MAD1L1: variants seen among roughly 807,000 people sequenced by gnomAD.
MAD1L1 encodes the protein mitotic arrest deficient 1 like 1.
MAD1L1 carries 95 observed loss-of-function variants against 96.9 expected under a neutral mutation model. That is an observed-to-expected ratio of 0.98 (90% CI 0.83 to 1.16). The LOEUF is 1.16. Among genes scored for constraint, MAD1L1 ranks in the 50% most tolerant of loss-of-function variants. The pLI, the probability that MAD1L1 is intolerant of heterozygous loss-of-function variation, is 0.00. For synonymous variants in MAD1L1, 473 were observed against 396.6 expected (o/e 1.19, Z -2.29); for missense variants, 1,007 against 954.4 (o/e 1.06, Z -0.73).
At chr7:2,026,086 A>G (rs1207264622) in intron 12 of MAD1L1, among the ~76,000 whole-genome samples, 1 of 152,218 alleles carries the variant, frequency 6.6e-6, no homozygotes, top group Non-Finnish European at 1.5e-5. Context: ...TACTACATTT[A>G]TAATGAAACA....
chr7:1,816,111 A>G lies in MAD1L1; in HGVS notation c.2116T>C (p.Ser706Pro). The change falls in exon 19 of 19, where the codon TCG (serine) becomes CCG (proline). Residue 706 changes from serine (S) to proline (P), a missense_variant. Transcript: ENST00000265854. ...RQDSIPAFLS[S>P]LTLELFSRQT... ...CGGCTGAAGAGCTCGAGGGTGAGCG[A>G]GCTGAGGAAGGCAGGGATGCTGTCC... 1 of 1,612,666 alleles carries G rather than the reference A, an allele frequency of 6.2e-7. No individual in the cohort carries two copies. The highest frequency in any genetic ancestry group is 8.5e-7 in the Non-Finnish European group (1 of 1,179,760).
At chr7:2,020,945 T>C (rs572308746) in intron 12 of MAD1L1, among the ~76,000 whole-genome samples, 3 of 150,986 alleles carry the variant, frequency 2.0e-5, no homozygotes, top group South Asian at 2.1e-4. Flanking sequence ...AAACAACATA[T>C]GCAGAAAGTA....
chr7:2,018,186 C>T (rs1385364783), intron 12 of MAD1L1, among the ~76,000 whole-genome samples: 2 of 152,180 alleles, frequency 1.3e-5, no homozygotes, highest in Non-Finnish European at 2.9e-5. Flanking sequence ...ACGAAGCCCA[C>T]ATCCTGCCTG....
At chr7:2,076,556 C>T (rs1785383044) in intron 11 of MAD1L1, among the ~76,000 whole-genome samples, 1 of 152,248 alleles carries the variant, frequency 6.6e-6, no homozygotes, top group Admixed American at 6.5e-5. Flanking sequence ...ACCCATAACG[C>T]CCAGACACAC....
chr7:2,127,757 C>T lies in MAD1L1; in HGVS notation c.1073+21395G>A, dbSNP rs778775190. ...CCAAAGACCCCTGCACTCCGGGAAA[C>T]GTGCAAGAGCAGCCGGCACTGTGGG... On this transcript the variant is annotated intron_variant, in intron 11 of 18. Transcript: ENST00000265854. Among the ~76,000 whole-genome samples, 5 of 152,120 alleles carry T rather than the reference C, an allele frequency of 3.3e-5. No individual in the cohort carries two copies. In the South Asian group the frequency reaches 8.3e-4, roughly 25 times the overall value.
At chr7:2,118,219 C>T (rs1045386728) in intron 11 of MAD1L1, among the ~76,000 whole-genome samples, 1 of 152,230 alleles carries the variant, frequency 6.6e-6, no homozygotes, top group Non-Finnish European at 1.5e-5. Flanking sequence ...TCAGACCCTC[C>T]ACTGGAGTGG....
chr7:1,916,817 A>G (rs963480645), intron 17 of MAD1L1, among the ~76,000 whole-genome samples: 5 of 152,120 alleles, frequency 3.3e-5, no homozygotes, highest in Admixed American at 3.3e-4. Flanking sequence ...CACTGCATGA[A>G]CAGCCCGGGC....
chr7:1,847,689 A>G (rs549531100), intron 18 of MAD1L1: 110 of 470,104 alleles, frequency 2.3e-4, no homozygotes, highest in African/African-American at 2.2e-3. Context: ...CACTGGGGAG[A>G]CCTCAGCTCT....
chr7:1,920,282 C>T (rs1015780815), intron 17 of MAD1L1, among the ~76,000 whole-genome samples: 5 of 152,358 alleles, frequency 3.3e-5, no homozygotes, highest in Non-Finnish European at 4.4e-5. Flanking sequence ...ACACATTCTA[C>T]GAGTTCTGTG....
intron 12 of MAD1L1, among the ~76,000 whole-genome samples, chr7:2,065,350 C>G (rs1784835220): frequency 6.6e-6 from 1 of 152,226 alleles, no homozygotes; most frequent in African/African-American, 2.4e-5. Flanking sequence ...GGTCCCAGCC[C>G]TCCTGTTAAA....
At chr7:2,004,017 C>T (rs1276099432) in intron 13 of MAD1L1, among the ~76,000 whole-genome samples, 4 of 152,166 alleles carry the variant, frequency 2.6e-5, no homozygotes, top group Non-Finnish European at 4.4e-5. Flanking sequence ...CTGGGCACTC[C>T]CGGGGGCACA....
At chr7:2,058,637 G>A (rs1220296162) in intron 12 of MAD1L1, among the ~76,000 whole-genome samples, 3 of 90,540 alleles carry the variant, frequency 3.3e-5, no homozygotes, top group African/African-American at 4.5e-5. Flanking sequence ...CAGGGGAGAG[G>A]CGCAGGGCTG....
In MAD1L1 at chr7:1,920,350, C is replaced by T. The variant is rs552447151; in HGVS notation, c.1807+16337G>A. ...GGGGCTGTGTTGTCTGCAGATGGAG[C>T]AGCGACAGTGTGTGGGAGGAGCAGG... is the stretch of plus-strand genomic sequence containing the variant. On this transcript the variant is annotated intron_variant, in intron 17 of 18. Coordinates refer to ENST00000265854, the MANE Select transcript of MAD1L1 (RefSeq NM_001013836.2). Among the ~76,000 whole-genome samples the T allele has an allele frequency of 1.4e-4, 22 of 152,310 alleles. No individual in the cohort carries two copies. The South Asian group carries it at 4.4e-3, about 30-fold the overall frequency.
intron 18 of MAD1L1, among the ~76,000 whole-genome samples, chr7:1,837,009 T>C (rs187246096): frequency 6.6e-6 from 1 of 152,182 alleles, no homozygotes; most frequent in African/African-American, 2.4e-5. Flanking sequence ...TCAAAAGACA[T>C]TGTTAAGAGA....
rs1562690238 is a variant in MAD1L1, at chr7:2,103,515, G to A, written c.1074-34177C>T. Among the ~76,000 whole-genome samples the A allele has an allele frequency of 1.3e-5, 2 of 152,106 alleles. No homozygotes were observed. Among genetic ancestry groups the A allele is most frequent in the South Asian group, 2.1e-4 (1 of 4,828 alleles). ...GCCACTGCACAGCGGCGGGGCTCTC[G>A]ACCACCGTGCTCTTTGTTGGGCGGG... On this transcript the variant is annotated intron_variant, in intron 11 of 18. Coordinates refer to ENST00000265854, the MANE Select transcript of MAD1L1 (RefSeq NM_001013836.2). The surrounding 1 kb of genome is among the most constrained non-coding windows in gnomAD (Gnocchi z 4.3).
At chr7:1,902,364 C>T (rs975627499) in intron 17 of MAD1L1, among the ~76,000 whole-genome samples, 2 of 152,188 alleles carry the variant, frequency 1.3e-5, no homozygotes, top group Non-Finnish European at 2.9e-5. Flanking sequence ...GCAGAAAATG[C>T]TTCTACCTTG....
intron 11 of MAD1L1, among the ~76,000 whole-genome samples, chr7:2,101,150 C>A (rs1345979066): frequency 6.6e-6 from 1 of 152,232 alleles, no homozygotes; most frequent in Non-Finnish European, 1.5e-5. Context: ...TCCTTTGTCA[C>A]AAGGGACTGG....
At chr7:1,883,787 C>T (rs1583648015) in intron 18 of MAD1L1, among the ~76,000 whole-genome samples, 2 of 152,228 alleles carry the variant, frequency 1.3e-5, no homozygotes, top group Non-Finnish European at 2.9e-5. Context: ...CACCATGTGT[C>T]TCTATTACCC....
At position 2,103,278 on chromosome 7, in the gene MAD1L1, T is replaced by C. The variant is rs1786911069; in HGVS notation, c.1074-33940A>G. Among the ~76,000 whole-genome samples, 1 of 152,060 alleles carries C rather than the reference T, an allele frequency of 6.6e-6. No individual in the cohort carries two copies. Among genetic ancestry groups the C allele is most frequent in the African/African-American group, 2.4e-5 (1 of 41,410 alleles). On this transcript the variant is annotated intron_variant, in intron 11 of 18. Coordinates refer to ENST00000265854, the MANE Select transcript of MAD1L1 (RefSeq NM_001013836.2). This position sits in a 1 kb window ranked among gnomAD's most constrained non-coding sequence, Gnocchi z 4.3. ...GAGGGCCGGGTCGCAGCCCAAGCCATGGCTGCCCCGACGGGCCCTGCACAC... is the reference window on the plus strand; with the variant it reads ...GAGGGCCGGGTCGCAGCCCAAGCCACGGCTGCCCCGACGGGCCCTGCACAC...
Sources: allele counts gnomAD v4.1 joint callset (sites outside exome capture counted in the v4.1 genomes callset), GRCh38; gene constraint gnomAD v4.1.1; non-coding constraint Gnocchi (gnomAD v3.1); transcripts MANE v1.5; gene names NCBI Gene and HGNC (gene_info 2026-07-23, HGNC 2026-07-21).